Variants in CHD7 observed in about 807,000 individuals in gnomAD.
CHD7 encodes chromodomain helicase DNA binding protein 7, also known as ATP-dependent chromatin remodeler CHD7.
Under a neutral mutation model 307.3 loss-of-function variants are expected in CHD7, and 24 were observed. The ratio of observed to expected loss-of-function variants is 0.08; its 90% CI spans 0.06 to 0.11. The LOEUF (loss-of-function observed/expected upper bound fraction) is 0.11, where lower values mean the gene tolerates loss of function less well. CHD7 is among the 10% of genes least tolerant of loss of function. The pLI is 1.00. For missense variants in CHD7, 3,106 were observed against 3,727.1 expected (o/e 0.83, Z 4.34); for synonymous variants, 1,363 against 1,349.9 (o/e 1.01, Z -0.21).
rs757246925 is a variant in CHD7, at chr8:60,862,614, G to T, written c.8038G>T (p.Ala2680Ser). Residue 2680 changes from alanine (A) to serine (S), a missense_variant, in exon 37 of 38, where the codon GCA (alanine) becomes TCA (serine). Ala to Ser is a moderately conservative substitution (Grantham distance 99). Transcript: ENST00000423902. ...PRWLEENPEFAVAPDWTDIVK... is the reference protein window; with the variant it reads ...PRWLEENPEFSVAPDWTDIVK... ...GTGGCTGGAAGAAAATCCTGAATTT[G>T]CAGTTGCTCCAGACTGGACTGATAT... 2 of 1,573,192 alleles carry T rather than the reference G, an allele frequency of 1.3e-6. No individual in the cohort carries two copies. The highest frequency in any genetic ancestry group is 1.8e-5 in the Admixed American group (1 of 54,394).
intron 3 of CHD7, among the ~76,000 whole-genome samples, chr8:60,790,268 G>A (rs1811707310): frequency 6.6e-6 from 1 of 152,120 alleles, no homozygotes; most frequent in African/African-American, 2.4e-5. Context: ...CCTCACAAGT[G>A]GATGGCTCTA....
intron 3 of CHD7, among the ~76,000 whole-genome samples, chr8:60,785,820 G>A (rs1811464030): frequency 2.0e-5 from 3 of 150,410 alleles, no homozygotes; most frequent in Admixed American, 2.0e-4. Flanking sequence ...GCCTTCCTTT[G>A]ATTTTTTTTT....
chr8:60,698,675 TG>T (rs1175044844), intron 1 of CHD7, among the ~76,000 whole-genome samples: 3 of 152,354 alleles, frequency 2.0e-5, no homozygotes, highest in Non-Finnish European at 2.9e-5. Flanking sequence ...TAGTTAATAT[TG>T]TTAAGGCTTG....
At chr8:60,750,002 T>A (rs1431083663) in intron 2 of CHD7, among the ~76,000 whole-genome samples, 1 of 152,238 alleles carries the variant, frequency 6.6e-6, no homozygotes. Flanking sequence ...TTATACCAGG[T>A]GTCAAGTTAA....
At chr8:60,815,094 A>G (rs1803663027) in intron 7 of CHD7, among the ~76,000 whole-genome samples, 1 of 152,178 alleles carries the variant, frequency 6.6e-6, no homozygotes. Flanking sequence ...TATGTACAGC[A>G]TTTATATCAG....
intron 2 of CHD7, among the ~76,000 whole-genome samples, chr8:60,753,375 T>A (rs1809732590): frequency 1.3e-5 from 2 of 152,192 alleles, no homozygotes; most frequent in African/African-American, 4.8e-5. Flanking sequence ...AAAATCATGG[T>A]AGAAGACTTA....
chr8:60,850,393 T>C, intron 25 of CHD7, 100 bp from the exon 26 acceptor site: 1 of 1,435,714 alleles, frequency 7.0e-7, no homozygotes, highest in African/African-American at 1.4e-5. Flanking sequence ...TAACCTTGAC[T>C]GAAAAACAAA....
intron 2 of CHD7, among the ~76,000 whole-genome samples, chr8:60,761,904 G>A (rs1027742657): frequency 6.6e-6 from 1 of 152,186 alleles, no homozygotes; most frequent in Non-Finnish European, 1.5e-5. Flanking sequence ...ACATCTACCT[G>A]ATAATTTCTT....
At chr8:60,832,764 T>C (rs1057066761) in intron 15 of CHD7, among the ~76,000 whole-genome samples, 3 of 152,170 alleles carry the variant, frequency 2.0e-5, no homozygotes, top group Non-Finnish European at 4.4e-5. Context: ...TGTGGGTTGT[T>C]TTCCCCCAAA....
chr8:60,745,694 CA>C (rs1329353880), intron 2 of CHD7, among the ~76,000 whole-genome samples: 2 of 152,168 alleles, frequency 1.3e-5, no homozygotes, highest in African/African-American at 4.8e-5. Flanking sequence ...CAGTTTTGAA[CA>C]TAAGGCTAGG....
At chr8:60,715,969 A>G (rs1403127727) in intron 1 of CHD7, among the ~76,000 whole-genome samples, 4 of 152,228 alleles carry the variant, frequency 2.6e-5, no homozygotes, top group African/African-American at 7.2e-5. Flanking sequence ...ACTTTGGTGT[A>G]AAATGAGACA....
At chr8:60,828,614 A>C in intron 13 of CHD7, 49 bp from the exon 14 acceptor site, 6 of 1,547,458 alleles carry the variant, frequency 3.9e-6, no homozygotes, top group Non-Finnish European at 5.2e-6. Flanking sequence ...GGTTTTAAGA[A>C]AGTGTTTTTG....
chr8:60,827,802 T>A (rs1804320494), intron 13 of CHD7, among the ~76,000 whole-genome samples: 1 of 151,924 alleles, frequency 6.6e-6, no homozygotes. Flanking sequence ...CAACCGAGAC[T>A]TGTCAGATTC....
chr8:60,856,983 C>A, intron 34 of CHD7, 95 bp downstream of exon 34: 1 of 1,155,610 alleles, frequency 8.7e-7, no homozygotes, highest in African/African-American at 1.5e-5. Context: ...CTCTCAGCAG[C>A]ATTGTATGAA....
At position 60,724,609 on chromosome 8, in the gene CHD7, A is replaced by C. The variant is rs376898317; in HGVS notation, c.-174-16650A>C. ...GATGTAAAGAGAGTGTTTGAGCCAG[A>C]TCTAGTTGGCTTTTTACAACTGGTT... On this transcript the variant is annotated intron_variant, in intron 1 of 37. Coordinates refer to ENST00000423902, the MANE Select transcript of CHD7 (RefSeq NM_017780.4). Among the ~76,000 whole-genome samples, 94 of 152,242 alleles carry C rather than the reference A, an allele frequency of 6.2e-4. No individual in the cohort carries two copies. The South Asian group carries it at 0.019, about 31-fold the overall frequency.
chr8:60,728,877 A>C (rs1467709810), intron 1 of CHD7, among the ~76,000 whole-genome samples: 1 of 152,160 alleles, frequency 6.6e-6, no homozygotes, highest in Non-Finnish European at 1.5e-5. Flanking sequence ...AGGTAAACTT[A>C]TGTTATAGGG....
At chr8:60,837,058 C>A in intron 17 of CHD7, 46 bp downstream of exon 17, 2 of 1,459,374 alleles carry the variant, frequency 1.4e-6, no homozygotes, top group Non-Finnish European at 1.9e-6. Flanking sequence ...GGAAGTCATT[C>A]TGCTTACTAT....
At chr8:60,796,186 G>A (rs1341727930) in intron 4 of CHD7, among the ~76,000 whole-genome samples, 2 of 152,172 alleles carry the variant, frequency 1.3e-5, no homozygotes, top group Non-Finnish European at 2.9e-5. Context: ...ATATGTTTTG[G>A]TTTAGTTCGG....
chr8:60,818,138 C>G (rs1803835455), intron 8 of CHD7, among the ~76,000 whole-genome samples: 1 of 152,158 alleles, frequency 6.6e-6, no homozygotes, highest in Admixed American at 6.5e-5. Context: ...TGAAAGTGCA[C>G]ACGCCCCCGT....
Sources: gnomAD v4.1 joint callset for allele counts (sites outside exome capture counted in the v4.1 genomes callset) on GRCh38, gnomAD v4.1.1 for gene constraint, MANE v1.5 for transcripts, NCBI Gene and HGNC (gene_info 2026-07-23, HGNC 2026-07-21) for gene names.